Variants in RPS6KC1 observed in about 807,000 individuals in gnomAD.
RPS6KC1 encodes the protein inactive ribosomal protein S6 kinase delta-1.
In RPS6KC1, 54 loss-of-function variants were observed where a neutral mutation model predicts 103.8. The observed-to-expected ratio is 0.52, with a 90% CI of 0.42 to 0.65. The LOEUF (loss-of-function observed/expected upper bound fraction) is 0.65. Ranked by LOEUF, RPS6KC1 falls within the 30% of genes least tolerant of loss-of-function variation. The probability of loss-of-function intolerance (pLI) is 0.00; values close to 1 mark genes in which losing one functional copy is unlikely to be tolerated. For synonymous variants in RPS6KC1, 439 were observed against 438.7 expected (o/e 1.00, Z -0.01); for missense variants, 1,151 against 1,253.8 (o/e 0.92, Z 1.24).
the RPS6KC1 span, among the ~76,000 whole-genome samples, chr1:213,511,136 T>C: frequency 6.6e-6 from 1 of 152,074 alleles, no homozygotes; most frequent in Non-Finnish European, 1.5e-5. Flanking sequence ...AAATCTTGTA[T>C]AAGATTAGTA....
At chr1:213,062,054 C>G (rs1553302748) in intron 1 of RPS6KC1, among the ~76,000 whole-genome samples, 1 of 150,980 alleles carries the variant, frequency 6.6e-6, no homozygotes, top group Non-Finnish European at 1.5e-5. Flanking sequence ...CTTATTTTAT[C>G]TTTTTTTTTA....
chr1:213,590,888 A>T, the RPS6KC1 span, among the ~76,000 whole-genome samples: 1 of 152,150 alleles, frequency 6.6e-6, no homozygotes, highest in Non-Finnish European at 1.5e-5. Context: ...TCCTGGCAGT[A>T]TCCTTCAGGA....
the RPS6KC1 span, among the ~76,000 whole-genome samples, chr1:213,614,588 C>T: frequency 1.3e-5 from 2 of 152,300 alleles, no homozygotes; most frequent in Non-Finnish European, 2.9e-5. Context: ...AGCATTATTC[C>T]CAATTCCCAA....
At chr1:213,318,564 C>A in the RPS6KC1 span, among the ~76,000 whole-genome samples, 2 of 152,156 alleles carry the variant, frequency 1.3e-5, no homozygotes, top group African/African-American at 2.4e-5. Context: ...TTTCACACTG[C>A]TAATAAACAC....
the RPS6KC1 span, among the ~76,000 whole-genome samples, chr1:213,650,085 G>A: frequency 6.6e-6 from 1 of 152,208 alleles, no homozygotes; most frequent in South Asian, 2.1e-4. Flanking sequence ...TGCAGTGGAT[G>A]CAGGAGCCCA....
the RPS6KC1 span, among the ~76,000 whole-genome samples, chr1:213,487,961 C>G: frequency 1.3e-5 from 2 of 152,198 alleles, no homozygotes; most frequent in Admixed American, 1.3e-4. Context: ...AATACTGTCT[C>G]CCTCCCCATT....
At chr1:213,737,866 C>T in the RPS6KC1 span, among the ~76,000 whole-genome samples, 38 of 152,340 alleles carry the variant, frequency 2.5e-4, no homozygotes, top group African/African-American at 7.2e-4. Context: ...TGACACCATA[C>T]AGTCTAGGTT....
chr1:213,062,760 TTGGC>T (rs1427693382), intron 1 of RPS6KC1, among the ~76,000 whole-genome samples: 3 of 152,198 alleles, frequency 2.0e-5, no homozygotes, highest in African/African-American at 7.2e-5. Flanking sequence ...TTTCACCATG[TTGGC>T]CAGGATGGTC....
At chr1:213,245,664 A>G (rs2094442775) in intron 12 of RPS6KC1, among the ~76,000 whole-genome samples, 1 of 152,176 alleles carries the variant, frequency 6.6e-6, no homozygotes, top group Non-Finnish European at 1.5e-5. Context: ...AAAAATTTCC[A>G]GTAACAGATT....
At chr1:213,301,576 G>A in the RPS6KC1 span, among the ~76,000 whole-genome samples, 1 of 152,096 alleles carries the variant, frequency 6.6e-6, no homozygotes, top group African/African-American at 2.4e-5. Flanking sequence ...GTGCATGCCT[G>A]TAGTCCCAGC....
the RPS6KC1 span, among the ~76,000 whole-genome samples, chr1:213,807,149 G>A: frequency 6.6e-6 from 1 of 152,208 alleles, no homozygotes; most frequent in African/African-American, 2.4e-5. Flanking sequence ...CGAGAGATCT[G>A]CTGTTAGTCT....
chr1:213,473,749 AC>A, the RPS6KC1 span, among the ~76,000 whole-genome samples: 3 of 152,200 alleles, frequency 2.0e-5, no homozygotes, highest in African/African-American at 7.2e-5. Context: ...TCAATCCTCT[AC>A]TGCATGTAAC....
At chr1:213,437,490 G>T in the RPS6KC1 span, among the ~76,000 whole-genome samples, 1 of 151,906 alleles carries the variant, frequency 6.6e-6, no homozygotes, top group Non-Finnish European at 1.5e-5. Context: ...GTTTGGTTTT[G>T]CTACCAAGGT....
the RPS6KC1 span, among the ~76,000 whole-genome samples, chr1:213,521,553 C>CAGGTGGT: frequency 6.6e-6 from 1 of 152,150 alleles, no homozygotes; most frequent in Non-Finnish European, 1.5e-5. Flanking sequence ...ATTTCTCTAG[C>CAGGTGGT]AGGTGGTACT....
chr1:213,088,862 A>G (rs1245589927), intron 3 of RPS6KC1, among the ~76,000 whole-genome samples: 10 of 152,154 alleles, frequency 6.6e-5, no homozygotes, highest in African/African-American at 2.4e-4. Flanking sequence ...GGATTACAGT[A>G]TTCACTGAAC....
At chr1:213,486,571 G>T in the RPS6KC1 span, among the ~76,000 whole-genome samples, 2 of 152,124 alleles carry the variant, frequency 1.3e-5, no homozygotes, top group African/African-American at 4.8e-5. Context: ...GAACCTCTCT[G>T]TTCATCAAGA....
intron 10 of RPS6KC1, among the ~76,000 whole-genome samples, chr1:213,232,476 T>G (rs2094126828): frequency 6.6e-6 from 1 of 152,234 alleles, no homozygotes; most frequent in East Asian, 1.9e-4. Flanking sequence ...GTAGATTTAC[T>G]TCACTACTTA....
chr1:213,756,941 T>C, the RPS6KC1 span, among the ~76,000 whole-genome samples: 4 of 152,260 alleles, frequency 2.6e-5, no homozygotes, highest in East Asian at 3.9e-4. Flanking sequence ...ATATCTGTTA[T>C]AGTGATCTGC....
chr1:213,384,514 A>G, the RPS6KC1 span, among the ~76,000 whole-genome samples: 1 of 152,022 alleles, frequency 6.6e-6, no homozygotes. Context: ...GGAGGCTTGC[A>G]TGATGGTTAG....
Sources: gnomAD v4.1 joint callset for allele counts (sites outside exome capture counted in the v4.1 genomes callset) on GRCh38, gnomAD v4.1.1 for gene constraint, MANE v1.5 for transcripts, NCBI Gene and HGNC (gene_info 2026-07-23, HGNC 2026-07-21) for gene names.